NBEA: variants seen among roughly 807,000 people sequenced by gnomAD.
NBEA encodes the protein lysosomal-trafficking regulator 2.
A neutral mutation model predicts 343.4 loss-of-function variants in NBEA; 44 were observed. The observed-to-expected ratio is 0.13, with a 90% CI of 0.10 to 0.16. The LOEUF is 0.16. Among genes scored for constraint, NBEA ranks in the 10% least tolerant of loss-of-function variants. The pLI is 1.00. For missense variants in NBEA, 2,555 were observed against 3,631.3 expected (o/e 0.70, Z 7.62); for synonymous variants, 1,175 against 1,238.7 (o/e 0.95, Z 1.08).
intron 33 of NBEA, among the ~76,000 whole-genome samples, chr13:35,221,205 A>G (rs2074347422): frequency 6.6e-6 from 1 of 152,004 alleles, no homozygotes; most frequent in Non-Finnish European, 1.5e-5. Context: ...TTAGCTGGGC[A>G]TGGTGGTGAG....
chr13:35,284,108 A>G (rs2035257279), intron 34 of NBEA, among the ~76,000 whole-genome samples: 1 of 152,080 alleles, frequency 6.6e-6, no homozygotes, highest in South Asian at 2.1e-4. Context: ...GTCTATGGCT[A>G]CCTTTGTACC....
chr13:35,523,519 G>A (rs554764401), intron 41 of NBEA, among the ~76,000 whole-genome samples: 5 of 152,136 alleles, frequency 3.3e-5, no homozygotes, highest in Admixed American at 1.3e-4. Context: ...TGGACCCTTC[G>A]ATTTGAGAGA....
At chr13:35,419,521 A>C (rs1379328612) in intron 38 of NBEA, among the ~76,000 whole-genome samples, 2 of 152,082 alleles carry the variant, frequency 1.3e-5, no homozygotes, top group Non-Finnish European at 2.9e-5. Context: ...AGTGTTTCTG[A>C]ACATTTCTTT....
chr13:35,065,531 T>C (rs1009802432), intron 8 of NBEA, among the ~76,000 whole-genome samples: 16 of 152,116 alleles, frequency 1.1e-4, no homozygotes, highest in African/African-American at 3.4e-4. Context: ...TACTATACTT[T>C]TAGAATTTCT....
At chr13:35,233,671 G>A (rs914432833) in intron 34 of NBEA, among the ~76,000 whole-genome samples, 4 of 152,086 alleles carry the variant, frequency 2.6e-5, no homozygotes, top group African/African-American at 9.7e-5. Flanking sequence ...TCTGGGCTAG[G>A]TACTATGTTA....
chr13:35,084,311 A>G (rs1418721597), intron 10 of NBEA, among the ~76,000 whole-genome samples: 1 of 152,138 alleles, frequency 6.6e-6, no homozygotes, highest in African/African-American at 2.4e-5. Context: ...TCCAAAATTG[A>G]CCACATAGTT....
At chr13:35,277,783 AC>A (rs1396836634) in intron 34 of NBEA, among the ~76,000 whole-genome samples, 1 of 151,964 alleles carries the variant, frequency 6.6e-6, no homozygotes, top group Non-Finnish European at 1.5e-5. Context: ...ATAGAAAGGG[AC>A]AAAATTAAAA....
rs1338199124 is a variant in NBEA, at chr13:34,976,653, TG to T, written c.294+33540del. ...ATCTTTTTCTTTTTTCTTTGTTTTT[TG>T]TTTTTTTTTTTTTTTCATGGAGCAG... On this transcript the variant is annotated intron_variant, in intron 1 of 58. Transcript: ENST00000379939. 3.7e-3 allele frequency among the ~76,000 whole-genome samples: 552 copies of T among 150,278 alleles called. 7 individuals are homozygous for T. The highest frequency in any genetic ancestry group is 0.013 in the African/African-American group (513 of 40,764).
In NBEA at chr13:35,157,288, A is replaced by G; in HGVS notation, c.2844+18A>G. 1 of 1,504,660 alleles carries G rather than the reference A, an allele frequency of 6.6e-7. No individual in the cohort carries two copies. Among genetic ancestry groups the G allele is most frequent in the Non-Finnish European group, 8.9e-7 (1 of 1,120,222 alleles). 93.2% of individuals were successfully genotyped at this position (1,504,660 alleles called of 1,614,324 possible). ...ATTCCAAGGTAACACGGGATTTAAC[A>G]TTTTAACATCATCAGAGTTATTGCA... On this transcript the variant is annotated intron_variant, in intron 21 of 58. Coordinates refer to ENST00000379939, the MANE Select transcript of NBEA (RefSeq NM_001385012.1).
At chr13:35,493,384 C>G (rs983445933) in intron 41 of NBEA, among the ~76,000 whole-genome samples, 3 of 151,848 alleles carry the variant, frequency 2.0e-5, no homozygotes, top group Non-Finnish European at 4.4e-5. Context: ...ATTCCTGGAG[C>G]CAGGGAATTC....
rs371093271 is a variant in NBEA at position 35,173,028 on chromosome 13, G to A, written c.4424-436G>A. 8.5e-5 allele frequency among the ~76,000 whole-genome samples: 13 copies of A among 152,180 alleles called. No individual in the cohort carries two copies. In the East Asian group the frequency reaches 1.2e-3, roughly 14 times the overall value. Reference sequence around the variant, plus strand: ...ATACTGATGTACTCTATTATTGCCCGAAATGGGAAGTTGTGCTCAGTAGAG... The same window carrying A: ...ATACTGATGTACTCTATTATTGCCCAAAATGGGAAGTTGTGCTCAGTAGAG... On this transcript the variant is annotated intron_variant, in intron 26 of 58. Transcript: ENST00000379939.
intron 38 of NBEA, among the ~76,000 whole-genome samples, chr13:35,424,575 A>G (rs763375511): frequency 3.9e-5 from 6 of 152,172 alleles, no homozygotes; most frequent in Non-Finnish European, 7.3e-5. Flanking sequence ...GGATTTTTGC[A>G]TCAATGTTCA....
chr13:35,138,875 C>A (rs914453459), intron 17 of NBEA, among the ~76,000 whole-genome samples: 1 of 151,842 alleles, frequency 6.6e-6, no homozygotes, highest in Non-Finnish European at 1.5e-5. Context: ...CATTGTATTC[C>A]TCTCATCCTG....
intron 28 of NBEA, among the ~76,000 whole-genome samples, chr13:35,178,356 A>C (rs2071060712): frequency 6.6e-6 from 1 of 151,736 alleles, no homozygotes; most frequent in African/African-American, 2.4e-5. Flanking sequence ...GAAATTTGGC[A>C]GCATTATAAA....
intron 36 of NBEA, among the ~76,000 whole-genome samples, chr13:35,342,517 A>C (rs1171328060): frequency 6.6e-6 from 1 of 152,078 alleles, no homozygotes; most frequent in Non-Finnish European, 1.5e-5. Flanking sequence ...TGACAAAACT[A>C]TACAAGGAGA....
chr13:35,081,694 G>T (rs1286462013), intron 10 of NBEA, among the ~76,000 whole-genome samples: 2 of 151,958 alleles, frequency 1.3e-5, no homozygotes, highest in African/African-American at 2.4e-5. Flanking sequence ...AAGAACAGAA[G>T]ATTTTTTATA....
At chr13:35,283,797 A>G (rs1460638501) in intron 34 of NBEA, among the ~76,000 whole-genome samples, 1 of 152,184 alleles carries the variant, frequency 6.6e-6, no homozygotes, top group African/African-American at 2.4e-5. Context: ...ATTTGTGATA[A>G]TCTTACATGA....
intron 10 of NBEA, among the ~76,000 whole-genome samples, chr13:35,077,200 G>T (rs1311407297): frequency 6.6e-6 from 1 of 152,044 alleles, no homozygotes; most frequent in Admixed American, 6.6e-5. Context: ...ATTCTACTCA[G>T]ATTTTTAGGT....
intron 10 of NBEA, among the ~76,000 whole-genome samples, chr13:35,074,736 A>G (rs1297542745): frequency 6.6e-6 from 1 of 152,158 alleles, no homozygotes; most frequent in African/African-American, 2.4e-5. Context: ...ATGTTATGGG[A>G]TACATATAAA....
Sources: gnomAD v4.1 joint callset for allele counts (sites outside exome capture counted in the v4.1 genomes callset) on GRCh38, gnomAD v4.1.1 for gene constraint, MANE v1.5 for transcripts, NCBI Gene and HGNC (gene_info 2026-07-23, HGNC 2026-07-21) for gene names.